SGCD: variants seen among roughly 807,000 people sequenced by gnomAD.
SGCD encodes sarcoglycan delta, also known as delta-sarcoglycan.
Under a neutral mutation model 36.6 loss-of-function variants are expected in SGCD, and 18 were observed. The observed-to-expected ratio is 0.49, with a 90% CI of 0.34 to 0.73. SGCD has a LOEUF of 0.73. Among genes scored for constraint, SGCD ranks in the 30% least tolerant of loss-of-function variants. SGCD has a pLI of 0.01. For missense variants in SGCD, 387 were observed against 346.7 expected, an observed-to-expected ratio of 1.12 and a Z score of -0.92; for synonymous variants, 133 against 130.6, an observed-to-expected ratio of 1.02 and a Z score of -0.12.
chr5:156,147,224 G>A (rs1247808251), intron 3 of SGCD, among the ~76,000 whole-genome samples: 6 of 152,126 alleles, frequency 3.9e-5, no homozygotes, highest in African/African-American at 1.4e-4. Flanking sequence ...ATAGGTCTTA[G>A]GTTAACAAGT....
intron 1 of SGCD, among the ~76,000 whole-genome samples, chr5:156,037,348 T>G (rs1242163884): frequency 6.6e-6 from 1 of 152,104 alleles, no homozygotes; most frequent in Admixed American, 6.6e-5. Flanking sequence ...TGACAGCAAG[T>G]GTGATGGAGC....
the SGCD span, among the ~76,000 whole-genome samples, chr5:155,748,930 G>C: frequency 6.6e-6 from 1 of 152,220 alleles, no homozygotes; most frequent in Non-Finnish European, 1.5e-5. Flanking sequence ...GCAGTAATAG[G>C]AGAGTAAGGA....
intron 1 of SGCD, among the ~76,000 whole-genome samples, chr5:156,067,806 C>A (rs569194836): frequency 7.2e-6 from 1 of 138,792 alleles, no homozygotes. Flanking sequence ...GGCTCGCGCA[C>A]GGTGCGCACA....
intron 7 of SGCD, among the ~76,000 whole-genome samples, chr5:156,654,408 C>T (rs1401142907): frequency 6.6e-6 from 1 of 152,046 alleles, no homozygotes; most frequent in Non-Finnish European, 1.5e-5. Context: ...GAAATTGGTC[C>T]AGGTGTGTTG....
At chr5:156,640,653 A>G (rs192085963) in intron 6 of SGCD, among the ~76,000 whole-genome samples, 69 of 152,274 alleles carry the variant, frequency 4.5e-4, no homozygotes, top group Middle Eastern at 3.4e-3. Flanking sequence ...TTAACTTGCA[A>G]TTCCTAAATA....
At chr5:156,279,262 G>T (rs1189730593) in intron 3 of SGCD, among the ~76,000 whole-genome samples, 1 of 152,108 alleles carries the variant, frequency 6.6e-6, no homozygotes, top group African/African-American at 2.4e-5. Flanking sequence ...TTTCTGATAA[G>T]AATGTTCAAA....
At chr5:155,930,866 A>G (rs1405483133) in intron 1 of SGCD, among the ~76,000 whole-genome samples, 1 of 152,242 alleles carries the variant, frequency 6.6e-6, no homozygotes, top group Non-Finnish European at 1.5e-5. Context: ...AAATGACTTT[A>G]TGATGAAAGG....
chr5:156,065,319 G>C (rs1350847849), intron 1 of SGCD, among the ~76,000 whole-genome samples: 9 of 83,474 alleles, frequency 1.1e-4, no homozygotes, highest in African/African-American at 5.2e-4. Context: ...TATAATTTCT[G>C]TTCTTTTACA....
intron 2 of SGCD, among the ~76,000 whole-genome samples, chr5:156,339,153 TATATG>T (rs1041000549): frequency 6.6e-6 from 1 of 151,008 alleles, no homozygotes; most frequent in African/African-American, 2.5e-5. Context: ...GTGGTTATAT[TATATG>T]ATAGCATTGT....
intron 3 of SGCD, among the ~76,000 whole-genome samples, chr5:156,410,650 A>T (rs546355752): frequency 4.5e-4 from 69 of 152,352 alleles, no homozygotes; most frequent in African/African-American, 1.6e-3. Context: ...AGTTGGTATT[A>T]TAGCAGCCCC....
intron 3 of SGCD, among the ~76,000 whole-genome samples, chr5:156,458,159 C>T (rs1034815581): frequency 2.6e-5 from 4 of 151,792 alleles, no homozygotes; most frequent in Non-Finnish European, 4.4e-5. Flanking sequence ...ATCCTCATTC[C>T]CCAGCAGGCA....
chr5:156,457,091 G>A (rs1193911239), intron 3 of SGCD, among the ~76,000 whole-genome samples: 2 of 152,208 alleles, frequency 1.3e-5, no homozygotes, highest in South Asian at 2.1e-4. Context: ...ACATTTTTAT[G>A]CTAACTTTCT....
chr5:156,013,249 T>G (rs1758898685), intron 1 of SGCD, among the ~76,000 whole-genome samples: 1 of 152,054 alleles, frequency 6.6e-6, no homozygotes, highest in African/African-American at 2.4e-5. Context: ...GGTCTCGAAC[T>G]CCTGACCTCA....
At chr5:156,079,360 G>T (rs1351909533) in intron 1 of SGCD, among the ~76,000 whole-genome samples, 1 of 152,216 alleles carries the variant, frequency 6.6e-6, no homozygotes, top group South Asian at 2.1e-4. Context: ...TTCCATCCCT[G>T]ATTCCCCAAA....
At chr5:156,655,301 C>A (rs1763629165) in intron 7 of SGCD, among the ~76,000 whole-genome samples, 1 of 152,086 alleles carries the variant, frequency 6.6e-6, no homozygotes, top group Non-Finnish European at 1.5e-5. Context: ...GTCTTGGCTG[C>A]TAGAGGTTTT....
At chr5:155,968,408 C>G (rs1025729996) in intron 1 of SGCD, among the ~76,000 whole-genome samples, 10 of 152,090 alleles carry the variant, frequency 6.6e-5, no homozygotes, top group Non-Finnish European at 1.0e-4. Context: ...TGAAGTTTCT[C>G]TTTCCATAGT....
At chr5:156,095,992 C>T (rs1761364476) in intron 1 of SGCD, among the ~76,000 whole-genome samples, 1 of 152,230 alleles carries the variant, frequency 6.6e-6, no homozygotes, top group Non-Finnish European at 1.5e-5. Flanking sequence ...AGCCCATTGA[C>T]TTCCTCAGAT....
rs1757611942 is a variant in SGCD, at chr5:156,767,379, G to A, written c.*7989G>A. 6.6e-6 allele frequency: 1 copy of A among 151,366 alleles called. No individual in the cohort carries two copies. Among genetic ancestry groups the A allele is most frequent in the Non-Finnish European group, 1.5e-5 (1 of 67,962 alleles). The allele number at this position is 151,366 out of a possible 1,614,324, so 9.4% of individuals were successfully genotyped here. On this transcript the variant is annotated 3_prime_UTR_variant, in exon 9 of 9. Coordinates refer to ENST00000337851, the MANE Select transcript of SGCD (RefSeq NM_000337.6). ...CGTGTTTTAGAAGGAAAAGGCAGAG[G>A]CTATCCATCATTATGCTGGCTAGAT...
chr5:156,690,448 G>A (rs928767025), intron 7 of SGCD, among the ~76,000 whole-genome samples: 1 of 152,114 alleles, frequency 6.6e-6, no homozygotes, highest in African/African-American at 2.4e-5. Flanking sequence ...GAAAGAGGTG[G>A]TATAAGCTAA....
Sources: gnomAD v4.1 joint callset for allele counts (sites outside exome capture counted in the v4.1 genomes callset) on GRCh38, gnomAD v4.1.1 for gene constraint, MANE v1.5 for transcripts, NCBI Gene and HGNC (gene_info 2026-07-23, HGNC 2026-07-21) for gene names.